Variants in NCR2 observed in about 807,000 individuals in gnomAD.
The protein encoded by NCR2 is natural cytotoxicity triggering receptor 2, also known as NK cell activating receptor (NKp44).
In NCR2, 35 loss-of-function variants were observed where a neutral mutation model predicts 30.7. The ratio of observed to expected loss-of-function variants is 1.14; its 90% CI spans 0.87 to 1.51. NCR2 has a LOEUF of 1.51. Ranked by LOEUF, NCR2 falls within the 40% of genes most tolerant of loss-of-function variation. The pLI, the probability that NCR2 is intolerant of heterozygous loss-of-function variation, is 0.00. For missense variants in NCR2, 316 were observed against 328.9 expected (o/e 0.96, Z 0.30); for synonymous variants, 146 against 134.8 (o/e 1.08, Z -0.58).
At chr6:41,350,636 G>T (rs774672532) in intron 4 of NCR2, 42 bp from the exon 5 acceptor site, 1 of 1,567,710 alleles carries the variant, frequency 6.4e-7, no homozygotes, top group Admixed American at 1.7e-5. Flanking sequence ...CAATTATGTG[G>T]CAGTCTCTGA....
chr6:41,343,060 G>A (rs1403345264), intron 4 of NCR2: 1 of 1,508,612 alleles, frequency 6.6e-7, no homozygotes, highest in Admixed American at 2.0e-5. Context: ...TGGGCTCCCA[G>A]CAGCTCCTCC....
At chr6:41,337,068 G>C (rs1405932063) in intron 2 of NCR2, among the ~76,000 whole-genome samples, 1 of 152,020 alleles carries the variant, frequency 6.6e-6, no homozygotes, top group East Asian at 1.9e-4. Context: ...GCTCATCCCT[G>C]ACCCTTTACA....
chr6:41,344,154 T>C (rs12530182), intron 4 of NCR2, among the ~76,000 whole-genome samples: 90,272 of 151,974 alleles, frequency 0.59, 28,386 homozygotes, highest in Admixed American at 0.71. Flanking sequence ...AATACCTCTG[T>C]GCATTTCTGC....
chr6:41,344,337 C>T (rs1039197269), intron 4 of NCR2, among the ~76,000 whole-genome samples: 2 of 152,166 alleles, frequency 1.3e-5, no homozygotes, highest in South Asian at 2.1e-4. Context: ...GGTCAAGAGG[C>T]GCCTCAACTC....
At chr6:41,346,702 G>C (rs1769307667) in intron 4 of NCR2, among the ~76,000 whole-genome samples, 1 of 152,104 alleles carries the variant, frequency 6.6e-6, no homozygotes, top group Admixed American at 6.6e-5. Flanking sequence ...GTGACCTTGA[G>C]AGTGGAGTGG....
chr6:41,341,980 A>T, intron 3 of NCR2, 51 bp downstream of exon 3: 2 of 1,611,970 alleles, frequency 1.2e-6, no homozygotes, highest in Non-Finnish European at 1.7e-6. Context: ...GGGCTGGCAG[A>T]TGGAGACTTG....
rs1200951496 is a variant in NCR2, at chr6:41,335,899, C to A, written c.23C>A (p.Pro8Gln). The A allele has an allele frequency of 8.3e-6, 13 of 1,570,992 alleles. No individual in the cohort carries two copies. The highest frequency in any genetic ancestry group is 1.0e-5 in the Non-Finnish European group (12 of 1,157,540). Reference protein sequence around the residue: MAWRALHPLLLLLLLFPG... With the variant: MAWRALHQLLLLLLLFPG... ...CACATGGCCTGGCGAGCCCTACACC[C>A]ACTGCTACTGCTGCTGCTGCTGTTC... Residue 8 changes from proline to glutamine, a missense_variant, in exon 1 of 5, where the codon CCA becomes CAA. Coordinates refer to ENST00000373089, the MANE Select transcript of NCR2 (RefSeq NM_004828.4).
At chr6:41,344,801 C>T (rs538169701) in intron 4 of NCR2, among the ~76,000 whole-genome samples, 33 of 152,382 alleles carry the variant, frequency 2.2e-4, no homozygotes, top group Admixed American at 1.8e-3. Context: ...TGCCGCTTCT[C>T]GGCCACCCAC....
intron 2 of NCR2, among the ~76,000 whole-genome samples, chr6:41,337,946 T>C (rs1769076521): frequency 6.6e-6 from 1 of 152,214 alleles, no homozygotes; most frequent in African/African-American, 2.4e-5. Flanking sequence ...ATCAAATTAT[T>C]AATGTTTTCC....
At chr6:41,340,034 T>C (rs912397458) in intron 2 of NCR2, among the ~76,000 whole-genome samples, 1 of 152,210 alleles carries the variant, frequency 6.6e-6, no homozygotes, top group East Asian at 1.9e-4. Flanking sequence ...TGTTACACTC[T>C]AAATTTTGTT....
chr6:41,342,139 C>T lies in NCR2; in HGVS notation c.634C>T (p.Leu212Phe). 6.2e-7 allele frequency: 1 copy of T among 1,612,976 alleles called. No individual in the cohort carries two copies. The highest frequency in any genetic ancestry group is 8.5e-7 in the Non-Finnish European group (1 of 1,179,994). ...VAKSLVLSAL[L>F]VWWGDIWWKT... The stretch of plus-strand genomic sequence containing the variant: ...CAAGAGCCTGGTGCTGTCAGCCCTG[C>T]TCGTCTGGTGGTGAGTGTGGTGTGG... Residue 212 changes from leucine to phenylalanine, a missense_variant, in exon 4 of 5, where the codon CTC becomes TTC. Physicochemically the swap from Leu to Phe is conservative, Grantham distance 22. Transcript: ENST00000373089.
At chr6:41,342,872 G>A (rs1303031961) in intron 4 of NCR2, 1 of 1,510,862 alleles carries the variant, frequency 6.6e-7, no homozygotes, top group South Asian at 1.2e-5. Context: ...GACAGGGTGT[G>A]AGAACGGATT....
In NCR2 at chr6:41,338,435, T is replaced by G. The variant is rs575750097; in HGVS notation, c.394+2007T>G. ...AAAACTCTCTCAATGAAGGAAGCAGTGCATTAATTTAAAATCTAGCCCAAG... is the reference window on the plus strand; with the variant it reads ...AAAACTCTCTCAATGAAGGAAGCAGGGCATTAATTTAAAATCTAGCCCAAG... On this transcript the variant is annotated intron_variant, in intron 2 of 4. Coordinates refer to ENST00000373089, the MANE Select transcript of NCR2 (RefSeq NM_004828.4). Among the ~76,000 whole-genome samples, 196 of 152,182 alleles carry G rather than the reference T, an allele frequency of 1.3e-3. 1 individual carries two copies. The highest frequency in any genetic ancestry group is 2.0e-3 in the Non-Finnish European group (139 of 68,032).
At position 41,336,422 on chromosome 6, in the gene NCR2, T is replaced by C; in HGVS notation, c.388T>C (p.Ser130Pro). The C allele has an allele frequency of 1.2e-6, 2 of 1,610,906 alleles. No individual in the cohort carries two copies. The highest frequency in any genetic ancestry group is 1.7e-6 in the Non-Finnish European group (2 of 1,177,522). Residue 130 changes from serine to proline, a missense_variant, in exon 2 of 5, where the codon TCT becomes CCT. Transcript: ENST00000373089. ...GTCCGTCAGATTCTATCTGGTGGTA[T>C]CTCCAGGTGAGCTCTTTCCCTAGGG... The part of the protein sequence containing the change: ...SKSVRFYLVV[S>P]PASASTQTSW...
rs1338935809 is a variant in NCR2 at position 41,335,830 on chromosome 6, G to C, written c.-47G>C. 6.5e-7 allele frequency: 1 copy of C among 1,545,316 alleles called. No individual in the cohort carries two copies. Among genetic ancestry groups the C allele is most frequent in the East Asian group, 2.4e-5 (1 of 41,174 alleles). ...CCCAGCTCCCAATTCCCTCTCCCCAGTCTTCTCCAGGTGTCCCCTCCCATG... is the reference window on the plus strand; with the variant it reads ...CCCAGCTCCCAATTCCCTCTCCCCACTCTTCTCCAGGTGTCCCCTCCCATG... On this transcript the variant is annotated 5_prime_UTR_variant, in exon 1 of 5. Coordinates refer to ENST00000373089, the MANE Select transcript of NCR2 (RefSeq NM_004828.4).
chr6:41,350,679 G>T lies in NCR2; in HGVS notation c.646G>T (p.Gly216Trp). ...LVLSALLVWW[G>W]DIWWKTMMEL... The stretch of plus-strand genomic sequence containing the variant: ...CCTGGTTTCCTGCTCTGATTGCAGG[G>T]GGGACATATGGTGGAAAACCATGAT... The change falls in exon 5 of 5, where the codon GGG (glycine) becomes TGG (tryptophan). Residue 216 changes from glycine to tryptophan, a missense_variant and splice_region_variant. Physicochemically the swap from Gly to Trp is radical, Grantham distance 184 (BLOSUM62 -2). Coordinates refer to ENST00000373089, the MANE Select transcript of NCR2 (RefSeq NM_004828.4). 1 of 1,612,546 alleles carries T rather than the reference G, an allele frequency of 6.2e-7. No individual in the cohort carries two copies. The highest frequency in any genetic ancestry group is 8.5e-7 in the Non-Finnish European group (1 of 1,179,434).
chr6:41,340,519 A>G (rs1045154985), intron 2 of NCR2, among the ~76,000 whole-genome samples: 7 of 152,206 alleles, frequency 4.6e-5, no homozygotes, highest in African/African-American at 1.7e-4. Context: ...ATAGGTTACT[A>G]GCACACAGCT....
chr6:41,336,505 A>G (rs563329071), intron 2 of NCR2, 77 bp downstream of exon 2: 4 of 1,280,932 alleles, frequency 3.1e-6, no homozygotes, highest in East Asian at 2.3e-5. Flanking sequence ...TGGTTTCCCA[A>G]TCGTGGAAGC....
intron 4 of NCR2, among the ~76,000 whole-genome samples, chr6:41,348,385 A>G (rs1769351892): frequency 6.6e-6 from 1 of 152,060 alleles, no homozygotes; most frequent in African/African-American, 2.4e-5. Context: ...TGCCACACAC[A>G]CAACCCCAAT....
Sources: allele counts gnomAD v4.1 joint callset (sites outside exome capture counted in the v4.1 genomes callset), GRCh38; gene constraint gnomAD v4.1.1; transcripts MANE v1.5; gene names NCBI Gene and HGNC (gene_info 2026-07-23, HGNC 2026-07-21).